The following PAFAH1B1 variants were observed in gnomAD, a reference collection of about 807,000 sequenced individuals.
The protein encoded by PAFAH1B1 is platelet-activating factor acetylhydrolase IB subunit beta.
Under a neutral mutation model 57.5 loss-of-function variants are expected in PAFAH1B1, and 2 were observed. That is an observed-to-expected ratio of 0.03 (90% CI 0.01 to 0.11). The LOEUF (loss-of-function observed/expected upper bound fraction) is 0.11. PAFAH1B1 is among the 10% of genes least tolerant of loss of function. The pLI is 1.00. For synonymous variants in PAFAH1B1, 152 were observed against 169.6 expected, an observed-to-expected ratio of 0.90 and a Z score of 0.81; for missense variants, 257 against 512.0, an observed-to-expected ratio of 0.50 and a Z score of 4.81.
intron 6 of PAFAH1B1, among the ~76,000 whole-genome samples, 159 bp from the exon 7 acceptor site, chr17:2,672,496 G>T (rs187655352): frequency 1.3e-5 from 2 of 151,662 alleles, no homozygotes; most frequent in Non-Finnish European, 2.9e-5. Context: ...TAACTTTATC[G>T]TGTAAATCCA....
intron 7 of PAFAH1B1, 137 bp from the exon 8 acceptor site, chr17:2,673,923 G>C (rs902781652): frequency 1.5e-6 from 1 of 678,196 alleles, no homozygotes; most frequent in African/African-American, 1.8e-5. Context: ...AATTAACCAG[G>C]ATTGTACATT....
Position 2,681,878 on chromosome 17 carries a change from T to A in PAFAH1B1, c.*76T>A, listed in dbSNP as rs935367038. The stretch of plus-strand genomic sequence containing the variant: ...TGATACCATGGTTACCCCATTGAGC[T>A]CTGTTTAAATAAATATTGTCCTTTC... On this transcript the variant is annotated 3_prime_UTR_variant, in exon 11 of 11. Coordinates refer to ENST00000397195, the MANE Select transcript of PAFAH1B1 (RefSeq NM_000430.4). The A allele has an allele frequency of 4.0e-6, 4 of 994,780 alleles. No homozygotes were observed. Among genetic ancestry groups the A allele is most frequent in the Admixed American group, 2.3e-5 (1 of 43,768 alleles). The allele number at this position is 994,780 out of a possible 1,614,324, so 61.6% of individuals were successfully genotyped here.
chr17:2,674,363 G>GAAACAGGGAA, intron 8 of PAFAH1B1, 75 bp downstream of exon 8: 2 of 1,087,028 alleles, frequency 1.8e-6, no homozygotes, highest in Non-Finnish European at 2.8e-6. Context: ...CTAATTCCCT[G>GAAACAGGGAA]TTTCAGGGCT....
intron 1 of PAFAH1B1, among the ~76,000 whole-genome samples, chr17:2,596,797 G>A (rs1485253212): frequency 1.3e-5 from 2 of 152,120 alleles, no homozygotes; most frequent in Admixed American, 6.6e-5. Context: ...AGTGGTTCAC[G>A]CCTGTAATCT....
chr17:2,594,747 C>G (rs1362906940), intron 1 of PAFAH1B1, among the ~76,000 whole-genome samples: 1 of 152,234 alleles, frequency 6.6e-6, no homozygotes, highest in African/African-American at 2.4e-5. Context: ...CCTTTTGATG[C>G]TGTTAACATT....
At chr17:2,668,869 G>A (rs927802257) in intron 5 of PAFAH1B1, among the ~76,000 whole-genome samples, 1 of 151,142 alleles carries the variant, frequency 6.6e-6, no homozygotes, top group Non-Finnish European at 1.5e-5. Flanking sequence ...CCAGCTACTC[G>A]GGAGGCTGAG....
chr17:2,666,336 G>C lies in PAFAH1B1; in HGVS notation c.192+246G>C, dbSNP rs576116113. Among the ~76,000 whole-genome samples the C allele has an allele frequency of 5.1e-4, 77 of 152,260 alleles. 1 individual carries two copies. Among genetic ancestry groups the C allele is most frequent in the Admixed American group, 5.0e-3 (77 of 15,280 alleles). On this transcript the variant is annotated intron_variant, in intron 4 of 10. Transcript: ENST00000397195. ...TGACTTTGAGGAATTGATACTGAAA[G>C]AACTCATTTGTGCACTTAGAAGGAA...
At position 2,638,234 on chromosome 17, in the gene PAFAH1B1, T is replaced by G; in HGVS notation, c.-55T>G. 1 of 1,509,422 alleles carries G rather than the reference T, an allele frequency of 6.6e-7. No individual in the cohort carries two copies. Among genetic ancestry groups the G allele is most frequent in the Non-Finnish European group, 9.2e-7 (1 of 1,088,864 alleles). 93.5% of individuals were successfully genotyped at this position (1,509,422 alleles called of 1,614,324 possible). The stretch of plus-strand genomic sequence containing the variant: ...GTCCACGGATCAAAAAGCTTTTTGA[T>G]TTCCCAAAGGAGGGACATACCACTA... On this transcript the variant is annotated 5_prime_UTR_variant, in exon 2 of 11. Transcript: ENST00000397195.
At chr17:2,639,820 A>ACTCCTGACTTCGTGATC (rs2068673503) in intron 2 of PAFAH1B1, 1 of 151,634 alleles carries the variant, frequency 6.6e-6, no homozygotes, top group African/African-American at 2.4e-5. Flanking sequence ...CTGGTCTCTA[A>ACTCCTGACTTCGTGATC]CTCCTGACTT....
chr17:2,604,790 C>G (rs1028996929), intron 1 of PAFAH1B1, among the ~76,000 whole-genome samples: 5 of 151,760 alleles, frequency 3.3e-5, no homozygotes, highest in Admixed American at 2.6e-4. Flanking sequence ...GACTGCTGAG[C>G]GACAGCAAGA....
chr17:2,678,127 C>T (rs542186830), intron 9 of PAFAH1B1, among the ~76,000 whole-genome samples: 5 of 152,034 alleles, frequency 3.3e-5, no homozygotes, highest in African/African-American at 9.6e-5. Flanking sequence ...CGTGGCCAGG[C>T]GCGGTGGCTC....
At chr17:2,672,036 G>A (rs1302728579) in intron 6 of PAFAH1B1, among the ~76,000 whole-genome samples, 1 of 152,012 alleles carries the variant, frequency 6.6e-6, no homozygotes, top group African/African-American at 2.4e-5. Context: ...TGGAGGCCAA[G>A]GCAGGAAGGA....
intron 10 of PAFAH1B1, 179 bp from the exon 11 acceptor site, chr17:2,681,550 C>T (rs1056246633): frequency 1.0e-4 from 60 of 588,478 alleles, no homozygotes; most frequent in Admixed American, 1.9e-4. Flanking sequence ...GCTGCAGCCT[C>T]GACTTCCCAG....
At chr17:2,634,428 C>T (rs1567538500) in intron 1 of PAFAH1B1, among the ~76,000 whole-genome samples, 1 of 152,188 alleles carries the variant, frequency 6.6e-6, no homozygotes, top group African/African-American at 2.4e-5. Context: ...TGAGCCACCG[C>T]GCCCAGTCTC....
rs537891656 is a variant in PAFAH1B1 at position 2,615,454 on chromosome 17, T to C, written c.-191+21448T>C. Among the ~76,000 whole-genome samples the C allele has an allele frequency of 2.0e-5, 3 of 152,320 alleles. No individual in the cohort carries two copies. In the South Asian group the frequency reaches 6.2e-4, roughly 32 times the overall value. On this transcript the variant is annotated intron_variant, in intron 1 of 10. Coordinates refer to ENST00000397195, the MANE Select transcript of PAFAH1B1 (RefSeq NM_000430.4). Reference sequence around the variant, plus strand: ...AGTAGGAAACTTTCTTTCTTTCTTTTTTTTGAGATGGAGTCTCACTGTGTC... The same window carrying C: ...AGTAGGAAACTTTCTTTCTTTCTTTCTTTTGAGATGGAGTCTCACTGTGTC...
At chr17:2,673,769 T>C in intron 7 of PAFAH1B1, 1 of 400,784 alleles carries the variant, frequency 2.5e-6, no homozygotes, top group South Asian at 2.6e-5. Context: ...TAGTAGAGCA[T>C]AGCTTTTTTC....
At position 2,638,371 on chromosome 17, in the gene PAFAH1B1, A is replaced by G. The variant is rs188379396; in HGVS notation, c.32+51A>G. Reference sequence around the variant, plus strand: ...AAAAAAATCTCCCTCATGAGAGAGAAAGTAGTAAATTAAAATACAGCTTTG... The same window carrying G: ...AAAAAAATCTCCCTCATGAGAGAGAGAGTAGTAAATTAAAATACAGCTTTG... On this transcript the variant is annotated intron_variant, in intron 2 of 10. Coordinates refer to ENST00000397195, the MANE Select transcript of PAFAH1B1 (RefSeq NM_000430.4). The G allele has an allele frequency of 2.0e-3, 2,931 of 1,463,830 alleles. 6 individuals are homozygous for G. The highest frequency in any genetic ancestry group is 2.1e-3 in the Non-Finnish European group (2,227 of 1,044,198). The allele number at this position is 1,463,830 out of a possible 1,614,324, so 90.7% of individuals were successfully genotyped here.
At chr17:2,620,941 C>A (rs758195053) in intron 1 of PAFAH1B1, among the ~76,000 whole-genome samples, 9 of 151,958 alleles carry the variant, frequency 5.9e-5, no homozygotes, top group Admixed American at 2.6e-4. Context: ...ATCTTTAATT[C>A]TTTACCAGCT....
chr17:2,618,486 A>T (rs116327338), intron 1 of PAFAH1B1, among the ~76,000 whole-genome samples: 11 of 152,054 alleles, frequency 7.2e-5, no homozygotes, highest in African/African-American at 2.4e-4. Context: ...ACTCTTACGG[A>T]GTATTTTGTC....
Sources: allele counts gnomAD v4.1 joint callset (sites outside exome capture counted in the v4.1 genomes callset), GRCh38; gene constraint gnomAD v4.1.1; transcripts MANE v1.5; gene names NCBI Gene and HGNC (gene_info 2026-07-23, HGNC 2026-07-21).